PARD3: variants seen among roughly 807,000 people sequenced by gnomAD.
PARD3 encodes the protein partitioning defective 3 homolog.
PARD3 carries 75 observed loss-of-function variants against 155.4 expected under a neutral mutation model. The observed-to-expected ratio is 0.48, with a 90% CI of 0.40 to 0.58. The LOEUF (loss-of-function observed/expected upper bound fraction) is 0.58, where lower values mean the gene tolerates loss of function less well. PARD3 is among the 20% of genes least tolerant of loss of function. The pLI is 0.00. For missense variants in PARD3, 1,642 were observed against 1,721.7 expected (o/e 0.95, Z 0.82); for synonymous variants, 576 against 610.5 (o/e 0.94, Z 0.83).
chr10:34,251,717 C>G (rs530195673), intron 22 of PARD3, among the ~76,000 whole-genome samples: 1 of 152,214 alleles, frequency 6.6e-6, no homozygotes, highest in Admixed American at 6.5e-5. Context: ...GTTTAACATA[C>G]AATAAGCAAA....
chr10:34,486,045 T>C (rs887188294), intron 3 of PARD3, among the ~76,000 whole-genome samples: 1 of 151,398 alleles, frequency 6.6e-6, no homozygotes, highest in African/African-American at 2.4e-5. Context: ...TGCCTCAGCT[T>C]ACCAAGCAGC....
At chr10:34,435,529 A>C (rs1589565000) in intron 5 of PARD3, among the ~76,000 whole-genome samples, 1 of 152,234 alleles carries the variant, frequency 6.6e-6, no homozygotes, top group African/African-American at 2.4e-5. Flanking sequence ...CAAATGAGAC[A>C]CTAATATCTG....
intron 20 of PARD3, among the ~76,000 whole-genome samples, chr10:34,311,946 G>A (rs1434890499): frequency 1.2e-4 from 19 of 152,158 alleles, no homozygotes; most frequent in Admixed American, 1.2e-3. Flanking sequence ...GTGTCCCAAA[G>A]TCACTGGTGG....
At chr10:34,281,334 G>A (rs967284767) in intron 21 of PARD3, among the ~76,000 whole-genome samples, 1 of 152,072 alleles carries the variant, frequency 6.6e-6, no homozygotes, top group Non-Finnish European at 1.5e-5. Flanking sequence ...GAAAAAATAG[G>A]GTACCTAGGT....
rs78956261 is a variant in PARD3, at chr10:34,387,079, T to C, written c.891-2825A>G. Among the ~76,000 whole-genome samples, 1,110 of 152,306 alleles carry C rather than the reference T, an allele frequency of 7.3e-3. 12 individuals are homozygous for C. The highest frequency in any genetic ancestry group is 0.025 in the African/African-American group (1,052 of 41,560). On this transcript the variant is annotated intron_variant, in intron 7 of 24. Transcript: ENST00000374788. ...AACCAGACACACTTTGGAATGTGTA[T>C]GCTTTCAGTCCTTGCAATAAAAATA...
chr10:34,481,613 CAAT>C (rs1348196152), intron 3 of PARD3, among the ~76,000 whole-genome samples: 1 of 152,186 alleles, frequency 6.6e-6, no homozygotes, highest in East Asian at 1.9e-4. Context: ...CAGTTCACAA[CAAT>C]GACTTTTCCT....
intron 2 of PARD3, among the ~76,000 whole-genome samples, chr10:34,680,333 C>CTGA (rs1428450528): frequency 2.6e-5 from 4 of 151,992 alleles, no homozygotes; most frequent in African/African-American, 9.7e-5. Context: ...CCGAGGCGGG[C>CTGA]TGATCACTTG....
At chr10:34,444,805 A>C (rs921925426) in intron 5 of PARD3, among the ~76,000 whole-genome samples, 2 of 152,240 alleles carry the variant, frequency 1.3e-5, no homozygotes, top group Non-Finnish European at 2.9e-5. Context: ...TAGAGGGGCC[A>C]GCTAGCTTAG....
intron 4 of PARD3, among the ~76,000 whole-genome samples, chr10:34,463,540 T>C (rs940501319): frequency 6.6e-6 from 1 of 152,236 alleles, no homozygotes; most frequent in Non-Finnish European, 1.5e-5. Context: ...CAATATTAAA[T>C]GAGTTGTAGG....
chr10:34,346,663 C>G (rs537904814), intron 15 of PARD3, among the ~76,000 whole-genome samples: 1 of 152,320 alleles, frequency 6.6e-6, no homozygotes, highest in East Asian at 1.9e-4. Context: ...AAGTGATAAA[C>G]TATGTACAAA....
chr10:34,270,234 C>G (rs966002493), intron 21 of PARD3, among the ~76,000 whole-genome samples: 2 of 151,810 alleles, frequency 1.3e-5, no homozygotes, highest in African/African-American at 4.8e-5. Flanking sequence ...CCTCCGCCTC[C>G]CAGGTTCAAG....
intron 15 of PARD3, among the ~76,000 whole-genome samples, chr10:34,347,006 T>C (rs911729895): frequency 1.3e-5 from 2 of 152,214 alleles, no homozygotes; most frequent in African/African-American, 4.8e-5. Flanking sequence ...GTCTTGCCAA[T>C]AGCATGCTTT....
chr10:34,442,669 G>T (rs1412788740), intron 5 of PARD3, among the ~76,000 whole-genome samples: 1 of 152,184 alleles, frequency 6.6e-6, no homozygotes, highest in Non-Finnish European at 1.5e-5. Flanking sequence ...AGGAGTTTGA[G>T]ACCAGTCTGG....
intron 22 of PARD3, among the ~76,000 whole-genome samples, chr10:34,190,993 C>T (rs1457871503): frequency 1.3e-5 from 2 of 151,826 alleles, no homozygotes; most frequent in Non-Finnish European, 1.5e-5. Context: ...AGAGCCCAGA[C>T]CCCTTAAGAC....
At chr10:34,605,350 C>G (rs754273495) in intron 2 of PARD3, among the ~76,000 whole-genome samples, 2 of 148,998 alleles carry the variant, frequency 1.3e-5, no homozygotes, top group Non-Finnish European at 3.0e-5. Context: ...CCTACCACCA[C>G]GCCTGGCTAA....
chr10:34,111,266 T>G lies in PARD3; in HGVS notation c.3965A>C (p.Lys1322Thr), dbSNP rs753582687. 2.5e-6 allele frequency: 4 copies of G among 1,613,706 alleles called. No homozygotes were observed. The highest frequency in any genetic ancestry group is 3.4e-6 in the Non-Finnish European group (4 of 1,179,612). ...GGGCACATCTTGCCGGAAGGGCCCCTTGGGAGGGGCGTAACTGGGGTCCTG... is the reference window on the plus strand; with the variant it reads ...GGGCACATCTTGCCGGAAGGGCCCCGTGGGAGGGGCGTAACTGGGGTCCTG... The part of the protein sequence containing the change: ...KVQDPSYAPP[K>T]GPFRQDVPPS... The change falls in exon 25 of 25, where the codon AAG becomes ACG. Residue 1322 changes from lysine (K) to threonine (T), a missense_variant. By Grantham distance (78) the Lys-to-Thr change is moderately conservative. This residue lies in a region of PARD3 where 1,529 missense variants were observed against 1,587.3 expected (regional missense o/e 0.96). Transcript: ENST00000374788.
At chr10:34,207,329 T>C (rs1424408518) in intron 22 of PARD3, among the ~76,000 whole-genome samples, 4 of 152,148 alleles carry the variant, frequency 2.6e-5, no homozygotes, top group Non-Finnish European at 5.9e-5. Flanking sequence ...CAGCAAGTGT[T>C]TTCAATAAGC....
intron 22 of PARD3, among the ~76,000 whole-genome samples, chr10:34,192,954 A>C (rs1950781047): frequency 6.6e-6 from 1 of 152,206 alleles, no homozygotes; most frequent in South Asian, 2.1e-4. Context: ...TGACATTCCA[A>C]TTCTTAGCTT....
chr10:34,352,469 C>A (rs1312638835), intron 14 of PARD3, among the ~76,000 whole-genome samples: 10 of 152,236 alleles, frequency 6.6e-5, no homozygotes, highest in Non-Finnish European at 8.8e-5. Flanking sequence ...CCTCAGCCTG[C>A]AGAGTGCCTG....
Sources: gnomAD v4.1 joint callset for allele counts (sites outside exome capture counted in the v4.1 genomes callset) on GRCh38, gnomAD v4.1.1 for gene constraint, gnomAD v4.1.1 regional missense constraint, MANE v1.5 for transcripts, NCBI Gene and HGNC (gene_info 2026-07-23, HGNC 2026-07-21) for gene names.